NOSTRIN: variants seen among roughly 807,000 people sequenced by gnomAD.
NOSTRIN encodes the protein BM247 homolog.
NOSTRIN carries 63 observed loss-of-function variants against 59.0 expected under a neutral mutation model. The ratio of observed to expected loss-of-function variants is 1.07; its 90% CI spans 0.87 to 1.32. The LOEUF (loss-of-function observed/expected upper bound fraction) is 1.32, where lower values mean the gene tolerates loss of function less well. NOSTRIN is among the 40% of genes most tolerant of loss of function. The pLI, the probability that NOSTRIN is intolerant of heterozygous loss-of-function variation, is 0.00. For missense variants in NOSTRIN, 512 were observed against 473.1 expected (o/e 1.08, Z -0.76); for synonymous variants, 200 against 165.4 (o/e 1.21, Z -1.61).
intron 7 of NOSTRIN, among the ~76,000 whole-genome samples, chr2:168,837,160 A>G (rs994285373): frequency 6.6e-6 from 1 of 151,954 alleles, no homozygotes; most frequent in Non-Finnish European, 1.5e-5. Flanking sequence ...CAAATAGTCT[A>G]TTGCATCTTC....
chr2:168,846,267 A>G (rs1688416347), intron 8 of NOSTRIN, among the ~76,000 whole-genome samples: 1 of 152,212 alleles, frequency 6.6e-6, no homozygotes, highest in South Asian at 2.1e-4. Flanking sequence ...TTTTATTATA[A>G]GTGTGAGAGA....
At position 168,864,956 on chromosome 2, in the gene NOSTRIN, G is replaced by C; in HGVS notation, c.1507G>C (p.Ala503Pro). The change falls in exon 16 of 16, where the codon GCT becomes CCT. Residue 503 changes from alanine (A) to proline (P), a missense_variant. Coordinates refer to ENST00000317647, the MANE Select transcript of NOSTRIN (RefSeq NM_001039724.4). ...EELPSNAGNT[A>P]TKA Reference sequence around the variant, plus strand: ...GTTACCTTCAAATGCTGGCAACACAGCTACAAAGGCATAAAACAAGACTCT... The same window carrying C: ...GTTACCTTCAAATGCTGGCAACACACCTACAAAGGCATAAAACAAGACTCT... 6.2e-7 allele frequency: 1 copy of C among 1,614,010 alleles called. No homozygotes were observed. Among genetic ancestry groups the C allele is most frequent in the South Asian group, 1.1e-5 (1 of 91,066 alleles).
intron 8 of NOSTRIN, among the ~76,000 whole-genome samples, chr2:168,844,278 G>A (rs1574314845): frequency 2.0e-5 from 3 of 152,238 alleles, no homozygotes; most frequent in Admixed American, 2.0e-4. Flanking sequence ...ACGGCCCCTG[G>A]TGAAGCAGTA....
chr2:168,814,617 T>G (rs951115657), intron 2 of NOSTRIN, among the ~76,000 whole-genome samples: 55 of 152,344 alleles, frequency 3.6e-4, no homozygotes, highest in African/African-American at 1.3e-3. Context: ...TTGGAATATA[T>G]TCAGTAGGCA....
At chr2:168,862,108 TA>T in intron 15 of NOSTRIN, 59 bp downstream of exon 15, 6 of 1,476,678 alleles carry the variant, frequency 4.1e-6, no homozygotes, top group Non-Finnish European at 5.7e-6. Flanking sequence ...TTAGCATGAA[TA>T]AAACCCTGTC....
chr2:168,838,909 A>G (rs1687898615), intron 7 of NOSTRIN, among the ~76,000 whole-genome samples: 2 of 150,172 alleles, frequency 1.3e-5, no homozygotes, highest in Non-Finnish European at 3.0e-5. Flanking sequence ...TTAGCCTCCC[A>G]AGTAGCTGGG....
At position 168,828,501 on chromosome 2, in the gene NOSTRIN, A is replaced by G. The variant is rs770123142; in HGVS notation, c.342A>G (p.Ser114=). 2 of 870,272 alleles carry G rather than the reference A, an allele frequency of 2.3e-6. No homozygotes were observed. Among genetic ancestry groups the G allele is most frequent in the East Asian group, 4.8e-5 (2 of 41,668 alleles). 53.9% of individuals were successfully genotyped at this position (870,272 alleles called of 1,614,324 possible). Residue 114 remains serine (S), a splice_region_variant and synonymous_variant, in exon 5 of 16, where the codon TCA becomes TCG. Transcript: ENST00000317647. The stretch of plus-strand genomic sequence containing the variant: ...ATGTACAAGAGAAGAAGAGAAAATC[A>G]GTGAGTCCAAACCTTTCTTTACTCT... ...VLNVQEKKRK[S]LDNEVEKTAN...
rs962381729 is a variant in NOSTRIN, at chr2:168,820,220, C to T, written c.114-4414C>T. Among the ~76,000 whole-genome samples the T allele has an allele frequency of 4.0e-4, 61 of 152,192 alleles. 1 individual carries two copies. Among genetic ancestry groups the T allele is most frequent in the African/African-American group, 1.4e-3 (57 of 41,428 alleles). On this transcript the variant is annotated intron_variant, in intron 2 of 15. Coordinates refer to ENST00000317647, the MANE Select transcript of NOSTRIN (RefSeq NM_001039724.4). ...CCAGGGCTGGAATCCAAGTCTGTGA[C>T]CATCACTTCCTTCCTATGTGCCCTC...
intron 1 of NOSTRIN, among the ~76,000 whole-genome samples, chr2:168,808,362 T>A (rs912581085): frequency 6.6e-6 from 1 of 152,212 alleles, no homozygotes; most frequent in African/African-American, 2.4e-5. Context: ...TTCCTTCCAC[T>A]CCTGCTTCCC....
intron 2 of NOSTRIN, among the ~76,000 whole-genome samples, chr2:168,814,198 C>T (rs1479691436): frequency 1.3e-5 from 2 of 152,204 alleles, no homozygotes; most frequent in Admixed American, 6.5e-5. Flanking sequence ...AGGGCTGGAT[C>T]ATTTCTCTCC....
chr2:168,821,207 A>C (rs1686715403), intron 2 of NOSTRIN, among the ~76,000 whole-genome samples: 1 of 152,236 alleles, frequency 6.6e-6, no homozygotes, highest in Non-Finnish European at 1.5e-5. Flanking sequence ...AAAGACCTAA[A>C]AAGCCCTCTG....
At chr2:168,840,540 A>AC (rs1553529564) in intron 7 of NOSTRIN, among the ~76,000 whole-genome samples, 3 of 131,072 alleles carry the variant, frequency 2.3e-5, no homozygotes, top group East Asian at 4.1e-4. Flanking sequence ...AAAAAAAAAA[A>AC]AAAAAAAAAA....
At chr2:168,800,019 C>T (rs1005812380), upstream of NOSTRIN, among the ~76,000 whole-genome samples, 3 of 152,206 alleles carry the variant, frequency 2.0e-5, no homozygotes, top group Non-Finnish European at 2.9e-5. Flanking sequence ...ATGGGATGTC[C>T]ATATTAAGCT....
chr2:168,840,529 C>CAAA (rs59235003), intron 7 of NOSTRIN, among the ~76,000 whole-genome samples: 1,011 of 99,204 alleles, frequency 0.01, 24 homozygotes, highest in Middle Eastern at 0.045. Context: ...GACTCCATCT[C>CAAA]AAAAAAAAAA....
At chr2:168,834,541 A>ACCCC (rs771238952) in intron 7 of NOSTRIN, among the ~76,000 whole-genome samples, 4 of 140,362 alleles carry the variant, frequency 2.8e-5, no homozygotes, top group Admixed American at 7.1e-5. Flanking sequence ...ACACACACAC[A>ACCCC]CCACATACAT....
intron 8 of NOSTRIN, among the ~76,000 whole-genome samples, chr2:168,850,287 A>G (rs868036112): frequency 3.3e-5 from 5 of 152,224 alleles, no homozygotes; most frequent in Non-Finnish European, 5.9e-5. Context: ...CCTAAAAGTC[A>G]TAAGTCTAAT....
chr2:168,855,638 CA>C, intron 11 of NOSTRIN, 178 bp downstream of exon 11: 604 of 116,098 alleles, frequency 5.2e-3, no homozygotes, highest in South Asian at 0.014. Context: ...AAAAGAAAGC[CA>C]AAAAAAAAAA....
chr2:168,845,352 C>T lies in NOSTRIN; in HGVS notation c.630+2235C>T, dbSNP rs944670323. Among the ~76,000 whole-genome samples, 5 of 152,190 alleles carry T rather than the reference C, an allele frequency of 3.3e-5. No individual in the cohort carries two copies. The East Asian group carries it at 7.7e-4, about 23-fold the overall frequency. On this transcript the variant is annotated intron_variant, in intron 8 of 15. Coordinates refer to ENST00000317647, the MANE Select transcript of NOSTRIN (RefSeq NM_001039724.4). ...GATGGGAGAGACATTTCTGCTCCCACTCCATCTTCCAGGCACCCACCCTTC... is the reference window on the plus strand; with the variant it reads ...GATGGGAGAGACATTTCTGCTCCCATTCCATCTTCCAGGCACCCACCCTTC...
intron 2 of NOSTRIN, among the ~76,000 whole-genome samples, chr2:168,821,931 T>A (rs1263916616): frequency 6.6e-6 from 1 of 152,230 alleles, no homozygotes; most frequent in Non-Finnish European, 1.5e-5. Context: ...CCTAGTAGAC[T>A]TGGGCTCTCA....
Sources: gnomAD v4.1 joint callset for allele counts (sites outside exome capture counted in the v4.1 genomes callset) on GRCh38, gnomAD v4.1.1 for gene constraint, MANE v1.5 for transcripts, NCBI Gene and HGNC (gene_info 2026-07-23, HGNC 2026-07-21) for gene names.